The following GRIA1 variants were observed in gnomAD, a reference collection of about 807,000 sequenced individuals.
The protein encoded by GRIA1 is glutamate receptor 1.
A neutral mutation model predicts 99.2 loss-of-function variants in GRIA1; 31 were observed. That is an observed-to-expected ratio of 0.31 (90% confidence interval 0.23 to 0.42). The LOEUF is 0.42. GRIA1 is among the 10% of genes least tolerant of loss of function. The pLI, the probability that GRIA1 is intolerant of heterozygous loss-of-function variation, is 1.00. For synonymous variants in GRIA1, 438 were observed against 432.4 expected, an observed-to-expected ratio of 1.01 and a Z score of -0.16; for missense variants, 782 against 1,157.5, an observed-to-expected ratio of 0.68 and a Z score of 4.71.
At chr5:153,751,830 G>C (rs556422403) in intron 11 of GRIA1, among the ~76,000 whole-genome samples, 87 of 152,276 alleles carry the variant, frequency 5.7e-4, no homozygotes, top group Admixed American at 1.6e-3. Flanking sequence ...TTAACAAAAG[G>C]AAAAAAGATC....
intron 13 of GRIA1, among the ~76,000 whole-genome samples, chr5:153,789,426 G>A (rs550578760): frequency 8.6e-5 from 13 of 151,706 alleles, no homozygotes; most frequent in African/African-American, 2.2e-4. Flanking sequence ...TCCTGAGCTC[G>A]TGAAACTAAA....
intron 11 of GRIA1, among the ~76,000 whole-genome samples, chr5:153,716,280 G>A (rs1175346846): frequency 6.6e-6 from 1 of 152,130 alleles, no homozygotes; most frequent in Non-Finnish European, 1.5e-5. Context: ...TACCCAGCAG[G>A]GCTGAGATTA....
intron 11 of GRIA1, among the ~76,000 whole-genome samples, chr5:153,726,373 CAAGA>C (rs1459554736): frequency 6.8e-6 from 1 of 147,202 alleles, no homozygotes; most frequent in Non-Finnish European, 1.5e-5. Context: ...TAGCAGAAGG[CAAGA>C]AATAACTAAA....
intron 13 of GRIA1, among the ~76,000 whole-genome samples, chr5:153,772,202 G>T (rs1286278443): frequency 6.6e-6 from 1 of 151,232 alleles, no homozygotes; most frequent in Non-Finnish European, 1.5e-5. Context: ...GATATAAAAA[G>T]GTTCAATTTG....
At chr5:153,522,879 G>A (rs1387095726) in intron 2 of GRIA1, among the ~76,000 whole-genome samples, 1 of 152,132 alleles carries the variant, frequency 6.6e-6, no homozygotes, top group Non-Finnish European at 1.5e-5. Flanking sequence ...ATTAATCTAT[G>A]AAATTATCAA....
At chr5:153,521,824 C>A (rs1008007082) in intron 2 of GRIA1, among the ~76,000 whole-genome samples, 1 of 152,214 alleles carries the variant, frequency 6.6e-6, no homozygotes, top group African/African-American at 2.4e-5. Context: ...ACACCCACAT[C>A]TCACATTGAA....
chr5:153,584,191 G>T (rs1458227303), intron 2 of GRIA1, among the ~76,000 whole-genome samples: 4 of 152,146 alleles, frequency 2.6e-5, no homozygotes, highest in African/African-American at 9.7e-5. Context: ...AATTACTGTG[G>T]CGGATGGCTG....
At chr5:153,599,811 G>A (rs956534194) in intron 2 of GRIA1, among the ~76,000 whole-genome samples, 1 of 151,818 alleles carries the variant, frequency 6.6e-6, no homozygotes. Context: ...GGTCAGGAAG[G>A]GCCAAGATCA....
rs1344821835 is a variant in GRIA1 at position 153,725,293 on chromosome 5, A to G, written c.1823+19226A>G. Among the ~76,000 whole-genome samples, 4 of 151,818 alleles carry G rather than the reference A, an allele frequency of 2.6e-5. No individual in the cohort carries two copies. The East Asian group carries it at 7.8e-4, about 30-fold the overall frequency. On this transcript the variant is annotated intron_variant, in intron 11 of 15. Coordinates refer to ENST00000285900, the MANE Select transcript of GRIA1 (RefSeq NM_000827.4). ...AACCAGTACCAGCCACTGCAAAATC[A>G]TGCCAAATTGTAAAGACCATCAAGG...
intron 11 of GRIA1, among the ~76,000 whole-genome samples, chr5:153,723,894 G>A (rs959448562): frequency 6.6e-6 from 1 of 152,180 alleles, no homozygotes; most frequent in Non-Finnish European, 1.5e-5. Flanking sequence ...GAGAGCAGTG[G>A]TTCTCCCATC....
chr5:153,652,839 A>G (rs1158051646), intron 4 of GRIA1, among the ~76,000 whole-genome samples: 1 of 152,186 alleles, frequency 6.6e-6, no homozygotes, highest in East Asian at 1.9e-4. Context: ...AATGACAGTA[A>G]TGAGCCTACA....
chr5:153,528,564 T>C (rs1757817218), intron 2 of GRIA1, among the ~76,000 whole-genome samples: 1 of 152,210 alleles, frequency 6.6e-6, no homozygotes, highest in African/African-American at 2.4e-5. Context: ...AATTTGCATT[T>C]CTACCAAGTT....
chr5:153,796,383 T>C (rs1295614312), intron 14 of GRIA1, among the ~76,000 whole-genome samples: 9 of 152,166 alleles, frequency 5.9e-5, no homozygotes, highest in African/African-American at 2.2e-4. Flanking sequence ...GTAGCAGCAC[T>C]ACTATCACAA....
chr5:153,711,417 G>A (rs1183847446), intron 11 of GRIA1, among the ~76,000 whole-genome samples: 1 of 152,186 alleles, frequency 6.6e-6, no homozygotes, highest in Non-Finnish European at 1.5e-5. Context: ...AGGACTTGCT[G>A]ATGGATTGGA....
intron 2 of GRIA1, among the ~76,000 whole-genome samples, chr5:153,615,298 T>A (rs1766385118): frequency 6.6e-6 from 1 of 152,212 alleles, no homozygotes; most frequent in African/African-American, 2.4e-5. Flanking sequence ...AGATTTCTTT[T>A]CATGGAGAGC....
At chr5:153,645,014 G>A (rs1754042094) in intron 2 of GRIA1, among the ~76,000 whole-genome samples, 1 of 151,984 alleles carries the variant, frequency 6.6e-6, no homozygotes, top group African/African-American at 2.4e-5. Context: ...AACTTTGAGT[G>A]GATTTGTACA....
chr5:153,545,072 G>A (rs6859491), intron 2 of GRIA1, among the ~76,000 whole-genome samples: 57,261 of 151,998 alleles, frequency 0.38, 12,974 homozygotes, highest in Non-Finnish European at 0.51. Flanking sequence ...TAAGGAAGGC[G>A]CCATGTGCTC....
chr5:153,612,826 G>C (rs535035395), intron 2 of GRIA1, among the ~76,000 whole-genome samples: 14 of 152,230 alleles, frequency 9.2e-5, no homozygotes, highest in African/African-American at 3.1e-4. Flanking sequence ...AGTTCTGAGA[G>C]CCAGCGGCAG....
chr5:153,698,496 T>TGTAAGTGA (rs1340636966), intron 9 of GRIA1, among the ~76,000 whole-genome samples: 9 of 152,198 alleles, frequency 5.9e-5, no homozygotes, highest in African/African-American at 2.2e-4. Flanking sequence ...ATACATAAAG[T>TGTAAGTGA]AGCTGTAAGT....
Sources: allele counts gnomAD v4.1 joint callset (sites outside exome capture counted in the v4.1 genomes callset), GRCh38; gene constraint gnomAD v4.1.1; transcripts MANE v1.5; gene names NCBI Gene and HGNC (gene_info 2026-07-23, HGNC 2026-07-21).